Variants in KCNMA1 observed in about 807,000 individuals in gnomAD.
KCNMA1 encodes potassium calcium-activated channel subfamily M alpha 1.
KCNMA1 carries 29 observed loss-of-function variants against 140.0 expected under a neutral mutation model. The ratio of observed to expected loss-of-function variants is 0.21; its 90% CI spans 0.15 to 0.28. The LOEUF is 0.28. Among genes scored for constraint, KCNMA1 ranks in the 10% least tolerant of loss-of-function variants. The pLI, the probability that KCNMA1 is intolerant of heterozygous loss-of-function variation, is 1.00. For missense variants in KCNMA1, 880 were observed against 1,602.2 expected, an observed-to-expected ratio of 0.55 and a Z score of 7.70; for synonymous variants, 612 against 611.9, an observed-to-expected ratio of 1.00 and a Z score of 0.00.
chr10:77,554,597 C>CAAAAAAAAAAAAAAAAAAAAA (rs59754706), intron 1 of KCNMA1, among the ~76,000 whole-genome samples: 4 of 84,096 alleles, frequency 4.8e-5, no homozygotes, highest in Non-Finnish European at 7.1e-5. Flanking sequence ...TACTCCATCT[C>CAAAAAAAAAAAAAAAAAAAAA]AAAAAAAAAA....
At chr10:77,469,358 G>A (rs2098104280) in intron 1 of KCNMA1, among the ~76,000 whole-genome samples, 1 of 152,196 alleles carries the variant, frequency 6.6e-6, no homozygotes, top group South Asian at 2.1e-4. Context: ...GTGAAGAGCA[G>A]ACACCACTCT....
At chr10:77,128,736 T>C (rs555942177) in intron 5 of KCNMA1, among the ~76,000 whole-genome samples, 5 of 152,304 alleles carry the variant, frequency 3.3e-5, no homozygotes, top group Admixed American at 1.3e-4. Flanking sequence ...GGTGTGACCA[T>C]ATTCCAGTAA....
At chr10:77,003,720 G>C (rs1231888269) in intron 18 of KCNMA1, among the ~76,000 whole-genome samples, 1 of 152,132 alleles carries the variant, frequency 6.6e-6, no homozygotes, top group African/African-American at 2.4e-5. Flanking sequence ...TTTCCATACT[G>C]CCATTTTGGG....
At chr10:76,955,710 G>A (rs1591850740) in intron 20 of KCNMA1, among the ~76,000 whole-genome samples, 1 of 152,110 alleles carries the variant, frequency 6.6e-6, no homozygotes, top group African/African-American at 2.4e-5. Context: ...TACAGATCAG[G>A]GTGAGAGCAC....
intron 14 of KCNMA1, among the ~76,000 whole-genome samples, chr10:77,068,852 AACACACACAC>A (rs147592319): frequency 0.12 from 15,437 of 133,494 alleles, 1,354 homozygotes; most frequent in African/African-American, 0.24. Context: ...TCACCCTCTA[AACACACACAC>A]ACACACACAC....
chr10:77,214,460 C>A (rs377158806), intron 3 of KCNMA1, among the ~76,000 whole-genome samples: 1 of 152,230 alleles, frequency 6.6e-6, no homozygotes, highest in Non-Finnish European at 1.5e-5. Context: ...TCCACAGACA[C>A]TCTTTCAGCC....
chr10:77,015,230 A>T (rs2091774681), intron 17 of KCNMA1, among the ~76,000 whole-genome samples: 1 of 152,044 alleles, frequency 6.6e-6, no homozygotes, highest in Non-Finnish European at 1.5e-5. Context: ...AGTCAGCAGG[A>T]GACTAGGGTG....
At chr10:76,996,442 G>A (rs2153377440) in intron 19 of KCNMA1, among the ~76,000 whole-genome samples, 1 of 152,266 alleles carries the variant, frequency 6.6e-6, no homozygotes, top group East Asian at 1.9e-4. Flanking sequence ...AGTCACAGGG[G>A]ATGACCCAGT....
In KCNMA1 at chr10:77,403,713, A is replaced by T. The variant is rs537518271; in HGVS notation, c.540+149T>A. ...ACACAAGGAACCGAGCCTCTCCTCC[A>T]TGACCACGCGGGAGCACTTGCTGCT... On this transcript the variant is annotated intron_variant, in intron 2 of 27. Coordinates refer to ENST00000286628, the MANE Select transcript of KCNMA1 (RefSeq NM_001161352.2). 16 of 702,660 alleles carry T rather than the reference A, an allele frequency of 2.3e-5. No homozygotes were observed. The African/African-American group carries it at 2.7e-4, about 12-fold the overall frequency. The allele number at this position is 702,660 out of a possible 1,614,324, so 43.5% of individuals were successfully genotyped here.
chr10:77,406,339 C>T (rs2096471331), intron 1 of KCNMA1, among the ~76,000 whole-genome samples: 1 of 152,112 alleles, frequency 6.6e-6, no homozygotes, highest in Non-Finnish European at 1.5e-5. Flanking sequence ...GGGGACAGTA[C>T]TGCCAGCCCC....
At chr10:77,280,412 A>T (rs781235129) in intron 2 of KCNMA1, among the ~76,000 whole-genome samples, 16 of 152,100 alleles carry the variant, frequency 1.1e-4, no homozygotes, top group Non-Finnish European at 2.2e-4. Flanking sequence ...AGTTCCATTG[A>T]CTTCTCTCCT....
intron 19 of KCNMA1, among the ~76,000 whole-genome samples, chr10:76,991,403 T>C (rs944125976): frequency 3.9e-5 from 6 of 152,240 alleles, no homozygotes; most frequent in Non-Finnish European, 1.5e-5. Context: ...AGAATATCAA[T>C]TGCACCTGCC....
intron 1 of KCNMA1, among the ~76,000 whole-genome samples, chr10:77,409,301 G>C (rs75365044): frequency 1.2e-3 from 184 of 152,262 alleles, no homozygotes; most frequent in African/African-American, 4.3e-3. Context: ...AGCAATTCCT[G>C]AGGATCCCCA....
intron 23 of KCNMA1, among the ~76,000 whole-genome samples, chr10:76,942,139 CT>C (rs2152848379): frequency 6.6e-6 from 1 of 152,084 alleles, no homozygotes; most frequent in African/African-American, 2.4e-5. Flanking sequence ...GCCTGGCTAA[CT>C]TTTTTGTATT....
intron 2 of KCNMA1, among the ~76,000 whole-genome samples, chr10:77,313,078 C>T (rs1332800485): frequency 6.6e-6 from 1 of 152,180 alleles, no homozygotes; most frequent in African/African-American, 2.4e-5. Flanking sequence ...AAGAAACGTT[C>T]AGCCTCTCCA....
intron 5 of KCNMA1, among the ~76,000 whole-genome samples, chr10:77,141,940 G>C (rs1395098707): frequency 6.6e-6 from 1 of 152,230 alleles, no homozygotes; most frequent in Non-Finnish European, 1.5e-5. Flanking sequence ...CAAGCGTTTT[G>C]CTGGGTACTG....
chr10:76,895,040 C>T (rs139088663), intron 25 of KCNMA1, among the ~76,000 whole-genome samples: 71 of 152,360 alleles, frequency 4.7e-4, no homozygotes, highest in African/African-American at 1.6e-3. Flanking sequence ...CTGACCCGCA[C>T]TTAATCGGTT....
rs933086680 is a variant in KCNMA1 at position 77,111,686 on chromosome 10, T to G, written c.960+681A>C. Among the ~76,000 whole-genome samples the G allele has an allele frequency of 2.0e-5, 3 of 152,166 alleles. No individual in the cohort carries two copies. The South Asian group carries it at 6.2e-4, about 31-fold the overall frequency. The stretch of plus-strand genomic sequence containing the variant: ...TAGCTAAGCGCGTCCTTCTATCCCT[T>G]ATGCAAATAGAGGCTCAGCCACTGG... On this transcript the variant is annotated intron_variant, in intron 7 of 27. Coordinates refer to ENST00000286628, the MANE Select transcript of KCNMA1 (RefSeq NM_001161352.2).
intron 17 of KCNMA1, among the ~76,000 whole-genome samples, chr10:77,017,315 GC>G (rs1282823806): frequency 6.6e-6 from 1 of 152,126 alleles, no homozygotes; most frequent in African/African-American, 2.4e-5. Flanking sequence ...GCTGTTTCAA[GC>G]TTTTGTGTCT....
Sources: gnomAD v4.1 joint callset for allele counts (sites outside exome capture counted in the v4.1 genomes callset) on GRCh38, gnomAD v4.1.1 for gene constraint, MANE v1.5 for transcripts, NCBI Gene and HGNC (gene_info 2026-07-23, HGNC 2026-07-21) for gene names.